BARX1: variants seen among roughly 807,000 people sequenced by gnomAD.
BARX1 encodes the protein BARX homeobox 1, also known as homeobox protein BarH-like 1.
BARX1 carries 10 observed loss-of-function variants against 19.6 expected under a neutral mutation model. That is an observed-to-expected ratio of 0.51 (90% CI 0.31 to 0.86). The LOEUF (loss-of-function observed/expected upper bound fraction) is 0.86, where lower values mean the gene tolerates loss of function less well. Ranked by LOEUF, BARX1 falls within the 40% of genes least tolerant of loss-of-function variation. The pLI is 0.04. For synonymous variants in BARX1, 177 were observed against 170.0 expected (o/e 1.04, Z -0.32); for missense variants, 309 against 360.4 (o/e 0.86, Z 1.15).
chr9:93,952,766 G>A lies in BARX1; in HGVS notation c.563C>T (p.Thr188Met). The change falls in exon 3 of 4, where the codon ACG (threonine) becomes ATG (methionine). Residue 188 changes from threonine (T) to methionine (M), a missense_variant. Physicochemically the swap from Thr to Met is moderately conservative, Grantham distance 81 (BLOSUM62 -1). Around this residue, in one of 3 missense-constraint regions of BARX1, gnomAD observed 34 missense variants for 73.2 expected, o/e 0.46. Transcript: ENST00000253968. The part of the protein sequence containing the change: ...SLGLSQLQVK[T>M]WYQNRRMKWK... Reference sequence around the variant, plus strand: ...CTTCATCCTCCGATTCTGGTACCACGTCTTCACCTGCAACTGGCTCAGGCC... The same window carrying A: ...CTTCATCCTCCGATTCTGGTACCACATCTTCACCTGCAACTGGCTCAGGCC... 6.2e-7 allele frequency: 1 copy of A among 1,614,192 alleles called. No individual in the cohort carries two copies. Among genetic ancestry groups the A allele is most frequent in the Non-Finnish European group, 8.5e-7 (1 of 1,180,032 alleles).
chr9:93,952,067 A>C lies in BARX1; in HGVS notation c.*97T>G. The C allele has an allele frequency of 6.9e-7, 1 of 1,446,168 alleles. No homozygotes were observed. Among genetic ancestry groups the C allele is most frequent in the Non-Finnish European group, 9.2e-7 (1 of 1,081,086 alleles). 89.6% of individuals were successfully genotyped at this position (1,446,168 alleles called of 1,614,324 possible). A position where few individuals can be genotyped will look rare whatever the true frequency, so the allele number is the denominator to read the frequency against. On this transcript the variant is annotated 3_prime_UTR_variant, in exon 4 of 4. Transcript: ENST00000253968. ...TCATAATAAAAAGGCTTAGGAAGTA[A>C]ACTTCTTGGACGCGGAAGGGCCGGC... is the stretch of plus-strand genomic sequence containing the variant.
At position 93,951,880 on chromosome 9, in the gene BARX1, C is replaced by A. The variant is rs182599708; in HGVS notation, c.*284G>T. On this transcript the variant is annotated 3_prime_UTR_variant, in exon 4 of 4. Transcript: ENST00000253968. Reference sequence around the variant, plus strand: ...GCAGGCGAGGAGCGGGGCGTGAATACGCGTGGAGCGCTCTGCGCCACGGAG... The same window carrying A: ...GCAGGCGAGGAGCGGGGCGTGAATAAGCGTGGAGCGCTCTGCGCCACGGAG... 0.011 allele frequency: 4,884 copies of A among 438,426 alleles called. 40 individuals are homozygous for A. Among genetic ancestry groups the A allele is most frequent in the Non-Finnish European group, 0.016 (3,832 of 241,774 alleles). The allele number at this position is 438,426 out of a possible 1,614,324, so 27.2% of individuals were successfully genotyped here.
At chr9:93,954,224 C>G (rs765455232) in intron 1 of BARX1, among the ~76,000 whole-genome samples, 1 of 152,234 alleles carries the variant, frequency 6.6e-6, no homozygotes, top group Non-Finnish European at 1.5e-5. Flanking sequence ...GGAGACAGCA[C>G]CATCAGGGCA....
chr9:93,952,737 T>C lies in BARX1; in HGVS notation c.592A>G (p.Lys198Glu). 6.2e-7 allele frequency: 1 copy of C among 1,614,114 alleles called. No homozygotes were observed. Among genetic ancestry groups the C allele is most frequent in the Non-Finnish European group, 8.5e-7 (1 of 1,179,992 alleles). ...TWYQNRRMKW[K>E]KIVLQGGGLE... The stretch of plus-strand genomic sequence containing the variant: ...CCACCAGGCACACTCACTATTTTCT[T>C]CCACTTCATCCTCCGATTCTGGTAC... Residue 198 changes from lysine (K) to glutamate (E), a missense_variant, in exon 3 of 4, where the codon AAG becomes GAG. Around this residue, in one of 3 missense-constraint regions of BARX1, gnomAD observed 71 missense variants for 80.4 expected, o/e 0.88. Coordinates refer to ENST00000253968, the MANE Select transcript of BARX1 (RefSeq NM_021570.4).
chr9:93,954,752 T>C (rs911531077), intron 1 of BARX1, among the ~76,000 whole-genome samples, 172 bp downstream of exon 1: 1 of 152,018 alleles, frequency 6.6e-6, no homozygotes, highest in Admixed American at 6.5e-5. Context: ...GCCTGGAGCT[T>C]GCACCCTCCG....
intron 1 of BARX1, chr9:93,953,538 G>C: frequency 3.1e-6 from 1 of 323,798 alleles, no homozygotes; most frequent in Non-Finnish European, 5.6e-6. Flanking sequence ...AAAAGAAAAC[G>C]GCAGCTGGTC....
chr9:93,954,774 G>T, intron 1 of BARX1, 150 bp downstream of exon 1: 1 of 500,732 alleles, frequency 2.0e-6, no homozygotes, highest in Non-Finnish European at 3.1e-6. Context: ...CTCCCGCCTG[G>T]AGGGCTCCGA....
rs201122153 is a variant in BARX1, at chr9:93,952,247, G to A, written c.682C>T (p.Leu228Phe). Residue 228 changes from leucine to phenylalanine, a missense_variant, in exon 4 of 4, where the codon CTT becomes TTT. By Grantham distance (22) the Leu-to-Phe change is conservative (BLOSUM62 0). This residue lies in a region of BARX1 where 71 missense variants were observed against 80.4 expected (regional missense o/e 0.88). Coordinates refer to ENST00000253968, the MANE Select transcript of BARX1 (RefSeq NM_021570.4). ...TCCTTGGCGCGCTCCTGCTCAGTAA[G>A]CTGCTCGCTCGTTGGAATTGAGTTC... is the stretch of plus-strand genomic sequence containing the variant. ...KKNSIPTSEQLTEQERAKDAE... is the reference protein window; with the variant it reads ...KKNSIPTSEQFTEQERAKDAE... 55 of 1,612,440 alleles carry A rather than the reference G, an allele frequency of 3.4e-5. 2 individuals are homozygous for A. The South Asian group carries it at 5.6e-4, about 16-fold the overall frequency.
intron 1 of BARX1, 58 bp from the exon 2 acceptor site, chr9:93,953,245 G>C: frequency 7.0e-7 from 1 of 1,435,014 alleles, no homozygotes; most frequent in Admixed American, 2.9e-5. Flanking sequence ...TCTGCCCCAG[G>C]GACTGCCGCA....
intron 1 of BARX1, among the ~76,000 whole-genome samples, chr9:93,954,498 C>T (rs1554684349): frequency 6.6e-6 from 1 of 152,222 alleles, no homozygotes; most frequent in Non-Finnish European, 1.5e-5. Context: ...CAGGCCTCCT[C>T]CCCAGAGGTC....
In BARX1 at chr9:93,952,011, C is replaced by A. The variant is rs985149721; in HGVS notation, c.*153G>T. ...TCTGGCTTTTGGGTCTGTGTCCTTC[C>A]TCGTTTGGCCCCAATTGTCCGCATT... On this transcript the variant is annotated 3_prime_UTR_variant, in exon 4 of 4. Coordinates refer to ENST00000253968, the MANE Select transcript of BARX1 (RefSeq NM_021570.4). 2 of 1,092,784 alleles carry A rather than the reference C, an allele frequency of 1.8e-6. No individual in the cohort carries two copies. Among genetic ancestry groups the A allele is most frequent in the Non-Finnish European group, 2.6e-6 (2 of 783,054 alleles). The allele number at this position is 1,092,784 out of a possible 1,614,324, so 67.7% of individuals were successfully genotyped here. A position where few individuals can be genotyped will look rare whatever the true frequency, so the allele number is the denominator to read the frequency against.
chr9:93,953,275 T>G (rs1449236138), intron 1 of BARX1, 88 bp from the exon 2 acceptor site: 8 of 1,392,246 alleles, frequency 5.7e-6, no homozygotes, highest in Non-Finnish European at 9.4e-7. Context: ...GCGGGGGTGC[T>G]CGCGCTTGGC....
chr9:93,952,154 T>C lies in BARX1; in HGVS notation c.*10A>G. 1 of 1,604,588 alleles carries C rather than the reference T, an allele frequency of 6.2e-7. No homozygotes were observed. The highest frequency in any genetic ancestry group is 8.5e-7 in the Non-Finnish European group (1 of 1,179,628). ...CGCGGGCATCCCAGGCCCCGCACCGTATACCGCCCTCAGTCCTCGCGGCTC... is the reference window on the plus strand; with the variant it reads ...CGCGGGCATCCCAGGCCCCGCACCGCATACCGCCCTCAGTCCTCGCGGCTC... On this transcript the variant is annotated 3_prime_UTR_variant, in exon 4 of 4. Transcript: ENST00000253968.
In BARX1 at chr9:93,952,262, G is replaced by A. The variant is rs1157606968; in HGVS notation, c.667C>T (p.Pro223Ser). The A allele has an allele frequency of 6.2e-7, 1 of 1,612,364 alleles. No homozygotes were observed. The highest frequency in any genetic ancestry group is 8.5e-7 in the Non-Finnish European group (1 of 1,179,948). ...TGCTCAGTAAGCTGCTCGCTCGTTG[G>A]AATTGAGTTCTTCTTGGGCCGCCCC... ...PKGRPKKNSI[P>S]TSEQLTEQER... The change falls in exon 4 of 4, where the codon CCA becomes TCA. Residue 223 changes from proline (P) to serine (S), a missense_variant. This residue lies in a region of BARX1 where 71 missense variants were observed against 80.4 expected (regional missense o/e 0.88). Coordinates refer to ENST00000253968, the MANE Select transcript of BARX1 (RefSeq NM_021570.4).
chr9:93,953,541 A>G, intron 1 of BARX1: 1 of 320,288 alleles, frequency 3.1e-6, no homozygotes, highest in Non-Finnish European at 5.6e-6. Flanking sequence ...AGAAAACGGC[A>G]GCTGGTCCTA....
chr9:93,952,081 G>A lies in BARX1; in HGVS notation c.*83C>T, dbSNP rs1056624216. On this transcript the variant is annotated 3_prime_UTR_variant, in exon 4 of 4. Coordinates refer to ENST00000253968, the MANE Select transcript of BARX1 (RefSeq NM_021570.4). ...CTTAGGAAGTAAACTTCTTGGACGCGGAAGGGCCGGCTCGCGGGTTTCCGC... is the reference window on the plus strand; with the variant it reads ...CTTAGGAAGTAAACTTCTTGGACGCAGAAGGGCCGGCTCGCGGGTTTCCGC... The A allele has an allele frequency of 6.0e-5, 90 of 1,505,612 alleles. No individual in the cohort carries two copies. In the Middle Eastern group the frequency reaches 7.6e-4, roughly 13 times the overall value. The allele number at this position is 1,505,612 out of a possible 1,614,324, so 93.3% of individuals were successfully genotyped here.
Position 93,952,343 on chromosome 9 carries a change from G to A in BARX1, c.601-15C>T, listed in dbSNP as rs375817014. 5.8e-4 allele frequency: 934 copies of A among 1,601,924 alleles called. No individual in the cohort carries two copies. Among genetic ancestry groups the A allele is most frequent in the Admixed American group, 1.0e-3 (62 of 59,592 alleles). On this transcript the variant is annotated splice_polypyrimidine_tract_variant and intron_variant, in intron 3 of 3. Coordinates refer to ENST00000253968, the MANE Select transcript of BARX1 (RefSeq NM_021570.4). ...CCCTGCAGCACCTGCACGGGGGACC[G>A]CCAGCACCTGGGTGAGCCAGCACGT...
chr9:93,954,068 G>T (rs1829133694), intron 1 of BARX1, among the ~76,000 whole-genome samples: 1 of 152,230 alleles, frequency 6.6e-6, no homozygotes, highest in African/African-American at 2.4e-5. Flanking sequence ...GCAGGGCAAG[G>T]CGCAGGTAAA....
In BARX1 at chr9:93,952,163, C is replaced by A; in HGVS notation, c.*1G>T. 6.2e-7 allele frequency: 1 copy of A among 1,606,278 alleles called. No homozygotes were observed. The highest frequency in any genetic ancestry group is 8.5e-7 in the Non-Finnish European group (1 of 1,179,766). On this transcript the variant is annotated 3_prime_UTR_variant, in exon 4 of 4. Transcript: ENST00000253968. ...CCCAGGCCCCGCACCGTATACCGCCCTCAGTCCTCGCGGCTCCTGTCGCTG... is the reference window on the plus strand; with the variant it reads ...CCCAGGCCCCGCACCGTATACCGCCATCAGTCCTCGCGGCTCCTGTCGCTG...
Sources: gnomAD v4.1 joint callset for allele counts (sites outside exome capture counted in the v4.1 genomes callset) on GRCh38, gnomAD v4.1.1 for gene constraint, gnomAD v4.1.1 regional missense constraint, MANE v1.5 for transcripts, NCBI Gene and HGNC (gene_info 2026-07-23, HGNC 2026-07-21) for gene names.